The following SYCP1 variants were observed in gnomAD, a reference collection of about 807,000 sequenced individuals.
SYCP1 encodes synaptonemal complex protein 1.
SYCP1 carries 64 observed loss-of-function variants against 153.1 expected under a neutral mutation model. That is an observed-to-expected ratio of 0.42 (90% CI 0.34 to 0.51). The LOEUF (loss-of-function observed/expected upper bound fraction) is 0.51, where lower values mean the gene tolerates loss of function less well. SYCP1 is among the 20% of genes least tolerant of loss of function. The pLI, the probability that SYCP1 is intolerant of heterozygous loss-of-function variation, is 0.06. For synonymous variants in SYCP1, 384 were observed against 341.8 expected (o/e 1.12, Z -1.36); for missense variants, 997 against 1,049.0 (o/e 0.95, Z 0.68).
At chr1:114,885,217 G>A (rs1385197005) in intron 12 of SYCP1, among the ~76,000 whole-genome samples, 3 of 151,908 alleles carry the variant, frequency 2.0e-5, no homozygotes, top group Admixed American at 6.6e-5. Context: ...CATTTTCAGT[G>A]GCTACATGGT....
chr1:114,941,471 A>G (rs1427259655), intron 23 of SYCP1, among the ~76,000 whole-genome samples: 1 of 151,800 alleles, frequency 6.6e-6, no homozygotes, highest in Non-Finnish European at 1.5e-5. Context: ...GTTTTAAATG[A>G]CTCTTATAAA....
chr1:114,957,858 T>TA (rs1212953846), intron 27 of SYCP1, among the ~76,000 whole-genome samples: 4 of 152,126 alleles, frequency 2.6e-5, no homozygotes, highest in African/African-American at 4.8e-5. Flanking sequence ...GTACAGCCAT[T>TA]ATGGAAAACA....
intron 18 of SYCP1, among the ~76,000 whole-genome samples, chr1:114,912,682 T>C (rs1358557829): frequency 6.6e-6 from 1 of 151,984 alleles, no homozygotes; most frequent in African/African-American, 2.4e-5. Context: ...TTGAAATAAC[T>C]TCTAAGAGAC....
At chr1:114,858,932 A>G (rs1664192996) in intron 6 of SYCP1, among the ~76,000 whole-genome samples, 1 of 152,220 alleles carries the variant, frequency 6.6e-6, no homozygotes, top group African/African-American at 2.4e-5. Flanking sequence ...TGATTAGGGA[A>G]ATAATAAATC....
rs60673306 is a variant in SYCP1, at chr1:114,875,174, ATGTGTG to A, written c.657+634_657+639del. ...TAAAGCTGCATGGCATGTATTTGAT[ATGTGTG>A]TGTGTGTGTGTGTGTGTGTGTGTAT... On this transcript the variant is annotated intron_variant, in intron 9 of 31. Coordinates refer to ENST00000369522, the MANE Select transcript of SYCP1 (RefSeq NM_003176.4). 7.1e-3 allele frequency among the ~76,000 whole-genome samples: 998 copies of A among 139,642 alleles called. 13 individuals are homozygous for A. Among genetic ancestry groups the A allele is most frequent in the African/African-American group, 0.024 (929 of 37,948 alleles). 91.6% of individuals were successfully genotyped at this position (139,642 alleles called of 152,430 possible). A position where few individuals can be genotyped will look rare whatever the true frequency, so the allele number is the denominator to read the frequency against.
At chr1:114,976,779 G>A (rs1280704772) in intron 27 of SYCP1, among the ~76,000 whole-genome samples, 2 of 151,782 alleles carry the variant, frequency 1.3e-5, no homozygotes, top group Non-Finnish European at 3.0e-5. Flanking sequence ...ATAGTGAAGT[G>A]AGTTCTGTGA....
chr1:114,857,596 T>C (rs1212336977), intron 5 of SYCP1, 99 bp downstream of exon 5: 137 of 933,308 alleles, frequency 1.5e-4, no homozygotes, highest in Non-Finnish European at 4.6e-6. Context: ...GATTATTATT[T>C]GATTAACGTT....
intron 26 of SYCP1, among the ~76,000 whole-genome samples, chr1:114,946,988 T>C (rs1183689761): frequency 6.6e-5 from 10 of 152,162 alleles, no homozygotes; most frequent in Non-Finnish European, 4.4e-5. Context: ...TCGAGTGATA[T>C]GCCTGCCTCT....
chr1:114,871,502 T>A (rs1424898260), intron 8 of SYCP1, among the ~76,000 whole-genome samples: 1 of 152,152 alleles, frequency 6.6e-6, no homozygotes, highest in Non-Finnish European at 1.5e-5. Flanking sequence ...TTGCTGTCAT[T>A]AATTTCTTTT....
chr1:114,960,277 C>G (rs1671702047), intron 27 of SYCP1, among the ~76,000 whole-genome samples: 1 of 148,598 alleles, frequency 6.7e-6, no homozygotes, highest in African/African-American at 2.5e-5. Context: ...AAGTGATTCT[C>G]CTGCCTCAGC....
upstream of SYCP1, among the ~76,000 whole-genome samples, chr1:114,854,282 C>T (rs1321246934): frequency 6.6e-6 from 1 of 151,912 alleles, no homozygotes; most frequent in African/African-American, 2.4e-5. Context: ...TAGCTGAGGA[C>T]ACAGGTGCGC....
intron 8 of SYCP1, among the ~76,000 whole-genome samples, chr1:114,861,915 T>C (rs1664404492): frequency 1.3e-5 from 2 of 151,102 alleles, no homozygotes; most frequent in Admixed American, 1.3e-4. Context: ...TTCTCCTTCC[T>C]CAGCCTCGCG....
intron 27 of SYCP1, 106 bp from the exon 28 acceptor site, chr1:114,977,451 T>A: frequency 1.5e-6 from 1 of 674,590 alleles, no homozygotes; most frequent in Non-Finnish European, 2.4e-6. Flanking sequence ...GATTGAGAGG[T>A]TCGTCATCTT....
At position 114,925,651 on chromosome 1, in the gene SYCP1, C is replaced by T. The variant is rs899616604; in HGVS notation, c.1801-627C>T. 5.9e-5 allele frequency among the ~76,000 whole-genome samples: 9 copies of T among 151,870 alleles called. 1 individual carries two copies. The highest frequency in any genetic ancestry group is 4.6e-4 in the Admixed American group (7 of 15,228). On this transcript the variant is annotated intron_variant, in intron 21 of 31. Coordinates refer to ENST00000369522, the MANE Select transcript of SYCP1 (RefSeq NM_003176.4). Reference sequence around the variant, plus strand: ...CTCATCTCTCAAATGGAGATAATACCGATCCTTTCTATCTCATTGGATTGT... The same window carrying T: ...CTCATCTCTCAAATGGAGATAATACTGATCCTTTCTATCTCATTGGATTGT...
chr1:114,914,506 T>C (rs1202388134), intron 20 of SYCP1, among the ~76,000 whole-genome samples: 8 of 152,146 alleles, frequency 5.3e-5, no homozygotes, highest in Non-Finnish European at 1.0e-4. Flanking sequence ...AGACATTAGT[T>C]GAAGGTCTTA....
intron 27 of SYCP1, among the ~76,000 whole-genome samples, chr1:114,961,946 T>C (rs1671805142): frequency 6.6e-6 from 1 of 151,344 alleles, no homozygotes; most frequent in South Asian, 2.1e-4. Context: ...AGTATTGAAG[T>C]CCCCCACTAT....
chr1:114,937,815 A>G (rs995030806), intron 23 of SYCP1, among the ~76,000 whole-genome samples: 5 of 152,238 alleles, frequency 3.3e-5, no homozygotes, highest in Admixed American at 3.3e-4. Context: ...ATCACTGGCC[A>G]TCAGAGAAAT....
At chr1:114,961,136 A>G (rs1204515182) in intron 27 of SYCP1, among the ~76,000 whole-genome samples, 1 of 152,024 alleles carries the variant, frequency 6.6e-6, no homozygotes, top group Non-Finnish European at 1.5e-5. Flanking sequence ...TAGTTTGTGC[A>G]TGTTAAGGTG....
intron 24 of SYCP1, 127 bp from the exon 25 acceptor site, chr1:114,944,745 C>T (rs1270539143): frequency 1.9e-5 from 14 of 738,150 alleles, no homozygotes; most frequent in Non-Finnish European, 2.0e-5. Flanking sequence ...AGTGCATTTT[C>T]TACTTGTTTT....
Sources: allele counts gnomAD v4.1 joint callset (sites outside exome capture counted in the v4.1 genomes callset), GRCh38; gene constraint gnomAD v4.1.1; transcripts MANE v1.5; gene names NCBI Gene and HGNC (gene_info 2026-07-23, HGNC 2026-07-21).